Variants in POLD2 observed in about 807,000 individuals in gnomAD.
The protein encoded by POLD2 is DNA polymerase delta 2, accessory subunit.
Under a neutral mutation model 48.8 loss-of-function variants are expected in POLD2, and 31 were observed. The observed-to-expected ratio is 0.64, with a 90% CI of 0.48 to 0.86. The LOEUF (loss-of-function observed/expected upper bound fraction) is 0.86. Ranked by LOEUF, POLD2 falls within the 40% of genes least tolerant of loss-of-function variation. POLD2 has a pLI of 0.00. For missense variants in POLD2, 455 were observed against 610.1 expected (o/e 0.75, Z 2.68); for synonymous variants, 233 against 256.3 (o/e 0.91, Z 0.87).
chr7:44,123,782 G>A (rs985256814), upstream of POLD2: 12 of 1,175,892 alleles, frequency 1.0e-5, no homozygotes, highest in Non-Finnish European at 1.3e-5. Flanking sequence ...TGGCGGCCGC[G>A]CGTGCAGGGG....
intron 1 of POLD2, 130 bp from the exon 2 acceptor site, chr7:44,122,239 T>G: frequency 7.0e-7 from 1 of 1,426,174 alleles, no homozygotes; most frequent in South Asian, 1.5e-5. Flanking sequence ...CCAGACATTG[T>G]GTCCACTTGG....
In POLD2 at chr7:44,116,439, C is replaced by T. The variant is rs753130051; in HGVS notation, c.852G>A (p.Leu284=). 7.0e-6 allele frequency: 11 copies of T among 1,579,300 alleles called. No individual in the cohort carries two copies. The highest frequency in any genetic ancestry group is 6.0e-6 in the Non-Finnish European group (7 of 1,162,056). The stretch of plus-strand genomic sequence containing the variant: ...CCCCCAGCTCGCTCACGCTCAGCTG[C>T]AGGAGGATCTCATCCAGCATCTTAA... ...EAVKMLDEIL[L]QLSASVPVDV... is the part of the protein sequence containing the mutation. The change falls in exon 7 of 11, where the codon CTG becomes CTA. Residue 284 remains leucine, a synonymous_variant. Transcript: ENST00000610533. This position sits in a 1 kb window ranked among gnomAD's most constrained non-coding sequence, Gnocchi z 6.1.
chr7:44,119,217 A>G lies in POLD2; in HGVS notation c.221-1153T>C, dbSNP rs987349968. 3.9e-5 allele frequency among the ~76,000 whole-genome samples: 6 copies of G among 152,052 alleles called. No individual in the cohort carries two copies. The South Asian group carries it at 8.3e-4, about 21-fold the overall frequency. ...ACATGGGAGGGGCTTGGCACTCTCG[A>G]GAAGAAAGGTATGGAGAATCAGTGA... On this transcript the variant is annotated intron_variant, in intron 2 of 10. Coordinates refer to ENST00000610533, the MANE Select transcript of POLD2 (RefSeq NM_006230.4).
chr7:44,120,548 C>T (rs1227336632), intron 2 of POLD2, among the ~76,000 whole-genome samples: 1 of 152,218 alleles, frequency 6.6e-6, no homozygotes, highest in East Asian at 1.9e-4. Flanking sequence ...TCTGTGTCCC[C>T]ACCCACATCT....
intron 2 of POLD2, among the ~76,000 whole-genome samples, chr7:44,119,909 G>C (rs2096245968): frequency 6.6e-6 from 1 of 152,230 alleles, no homozygotes; most frequent in African/African-American, 2.4e-5. Flanking sequence ...GTGGCTTCAG[G>C]TGGCCCCTCA....
In POLD2 at chr7:44,121,969, C is replaced by T; in HGVS notation, c.85G>A (p.Val29Met). The T allele has an allele frequency of 1.2e-6, 2 of 1,613,914 alleles. No homozygotes were observed. Among genetic ancestry groups the T allele is most frequent in the Non-Finnish European group, 1.7e-6 (2 of 1,180,044 alleles). The change falls in exon 2 of 11, where the codon GTG becomes ATG. Residue 29 changes from valine to methionine, a missense_variant. Physicochemically the swap from Val to Met is conservative, Grantham distance 21. This residue lies in a region of POLD2 where 349 missense variants were observed against 437.4 expected (regional missense o/e 0.80). Coordinates refer to ENST00000610533, the MANE Select transcript of POLD2 (RefSeq NM_006230.4). This position sits in a 1 kb window ranked among gnomAD's most constrained non-coding sequence, Gnocchi z 4.5. ...ANNATFARVP[V>M]ATYTNSSQPF... ...TGTGAGGAGTTGGTGTAGGTTGCCA[C>T]TGGCACCCGGGCAAAGGTGGCATTG...
chr7:44,118,278 T>C lies in POLD2; in HGVS notation c.221-214A>G, dbSNP rs540470297. ...AGGGACTCTGGGTGTGGTTGGGCCCTGGATGCCAAGTGTCCTCATGAGAAC... is the reference window on the plus strand; with the variant it reads ...AGGGACTCTGGGTGTGGTTGGGCCCCGGATGCCAAGTGTCCTCATGAGAAC... On this transcript the variant is annotated intron_variant, in intron 2 of 10. Transcript: ENST00000610533. 298 of 516,934 alleles carry C rather than the reference T, an allele frequency of 5.8e-4. 1 individual carries two copies. Among genetic ancestry groups the C allele is most frequent in the Non-Finnish European group, 9.5e-4 (274 of 289,054 alleles). 32.0% of individuals were successfully genotyped at this position (516,934 alleles called of 1,614,324 possible). A position where few individuals can be genotyped will look rare whatever the true frequency, so the allele number is the denominator to read the frequency against.
chr7:44,123,130 G>A (rs2096250401), intron 1 of POLD2: 1 of 506,028 alleles, frequency 2.0e-6, no homozygotes, highest in African/African-American at 2.0e-5. Flanking sequence ...ATATATTTAT[G>A]GATTTACTCC....
chr7:44,115,046 G>T, intron 10 of POLD2, 101 bp from the exon 11 acceptor site: 2 of 1,076,892 alleles, frequency 1.9e-6, no homozygotes, highest in South Asian at 1.6e-5. Context: ...GCACACAGTG[G>T]GGCAGTGACA....
At position 44,116,175 on chromosome 7, in the gene POLD2, G is replaced by A. The variant is rs780267227; in HGVS notation, c.959C>T (p.Thr320Ile). 1.9e-6 allele frequency: 3 copies of A among 1,613,928 alleles called. No homozygotes were observed. In the South Asian group the frequency reaches 3.3e-5, roughly 18 times the overall value. The change falls in exon 8 of 11, where the codon ACT (threonine) becomes ATT (isoleucine). Residue 320 changes from threonine (T) to isoleucine (I), a missense_variant. Physicochemically the swap from Thr to Ile is moderately conservative, Grantham distance 89. Transcript: ENST00000610533. The surrounding 1 kb of genome is among the most constrained non-coding windows in gnomAD (Gnocchi z 6.1). ...GACCAGCTGGAGCGTGGAGTAGGCA[G>A]TGGCCAGCGGGAACATGCAGGGGTG... is the stretch of plus-strand genomic sequence containing the variant. ...PLHPCMFPLA[T>I]AYSTLQLVTN...
At chr7:44,123,428 A>C in intron 1 of POLD2, 83 bp downstream of exon 1, 11 of 1,478,898 alleles carry the variant, frequency 7.4e-6, no homozygotes, top group Non-Finnish European at 8.0e-6. Context: ...CCGCCAAGAC[A>C]CCAGCCCACC....
chr7:44,118,107 C>A (rs771015646), intron 2 of POLD2, 43 bp from the exon 3 acceptor site: 16 of 1,606,376 alleles, frequency 1.0e-5, no homozygotes, highest in Non-Finnish European at 1.2e-5. Context: ...AGTAGCCCCC[C>A]CGCCCGACAG....
intron 1 of POLD2, chr7:44,122,544 T>C: frequency 1.2e-6 from 1 of 832,124 alleles, no homozygotes; most frequent in African/African-American, 1.8e-5. Flanking sequence ...ATAATAGAAC[T>C]AAACCAAAAC....
chr7:44,115,912 C>G lies in POLD2; in HGVS notation c.1020-19G>C, dbSNP rs779328505. ...CAAAAATCTGCAAGGCAAAGCTCAG[C>G]TGACTCTTGGCTTTGGGTGCCACCC... is the stretch of plus-strand genomic sequence containing the variant. On this transcript the variant is annotated intron_variant, in intron 8 of 10. Transcript: ENST00000610533. The G allele has an allele frequency of 6.2e-7, 1 of 1,614,162 alleles. No homozygotes were observed. Among genetic ancestry groups the G allele is most frequent in the Non-Finnish European group, 8.5e-7 (1 of 1,179,996 alleles).
chr7:44,115,140 C>T (rs1344817474), intron 10 of POLD2, among the ~76,000 whole-genome samples, 155 bp downstream of exon 10: 1 of 152,208 alleles, frequency 6.6e-6, no homozygotes, highest in Non-Finnish European at 1.5e-5. Context: ...CAGCTTGGCT[C>T]CCACAGTGAA....
chr7:44,115,369 G>A lies in POLD2; in HGVS notation c.1175C>T (p.Pro392Leu), dbSNP rs750201734. ...LGCYPFYKTD[P>L]FIFPECPHVY... ...ATGCGGGCACTCTGGGAAGATGAAC[G>A]GGTCAGTTTTGTAGAAGGGGTAACA... The change falls in exon 10 of 11, where the codon CCG becomes CTG. Residue 392 changes from proline (P) to leucine (L), a missense_variant. By Grantham distance (98) the Pro-to-Leu change is moderately conservative. This residue lies in a region of POLD2 where 98 missense variants were observed against 138.6 expected (regional missense o/e 0.71). Transcript: ENST00000610533. The A allele has an allele frequency of 1.9e-6, 3 of 1,613,542 alleles. No homozygotes were observed. The highest frequency in any genetic ancestry group is 1.3e-5 in the African/African-American group (1 of 74,908).
At position 44,115,842 on chromosome 7, in the gene POLD2, G is replaced by A; in HGVS notation, c.1071C>T (p.Ser357=). 1.2e-6 allele frequency: 2 copies of A among 1,614,146 alleles called. No homozygotes were observed. Among genetic ancestry groups the A allele is most frequent in the Non-Finnish European group, 1.7e-6 (2 of 1,179,992 alleles). The change falls in exon 9 of 11, where the codon AGC becomes AGT. Residue 357 remains serine (S), a synonymous_variant. Coordinates refer to ENST00000610533, the MANE Select transcript of POLD2 (RefSeq NM_006230.4). The stretch of plus-strand genomic sequence containing the variant: ...CCAGGATCTCCAAGTGATCCTCCAT[G>A]CTGCTGTATCGGAAAATGTCACTCA... ...QNVSDIFRYS[S]MEDHLEILEW... is the part of the protein sequence containing the mutation.
chr7:44,118,808 C>T (rs2096244458), intron 2 of POLD2, among the ~76,000 whole-genome samples: 2 of 152,224 alleles, frequency 1.3e-5, no homozygotes, highest in African/African-American at 4.8e-5. Flanking sequence ...CGTGAGCCAC[C>T]GTGCCCGGCC....
intron 5 of POLD2, 52 bp from the exon 6 acceptor site, chr7:44,117,067 C>T (rs1480551621): frequency 1.2e-6 from 2 of 1,608,724 alleles, no homozygotes; most frequent in Non-Finnish European, 1.7e-6. Context: ...GGCAGCCCCT[C>T]CTAGGTGCAA....
Sources: gnomAD v4.1 joint callset for allele counts (sites outside exome capture counted in the v4.1 genomes callset) on GRCh38, gnomAD v4.1.1 for gene constraint, gnomAD v4.1.1 regional missense constraint, Gnocchi (gnomAD v3.1) non-coding constraint, MANE v1.5 for transcripts, NCBI Gene and HGNC (gene_info 2026-07-23, HGNC 2026-07-21) for gene names.